The following IREB2 variants were observed in gnomAD, a reference collection of about 807,000 sequenced individuals.
IREB2 encodes the protein iron responsive element binding protein 2.
IREB2 carries 39 observed loss-of-function variants against 118.8 expected under a neutral mutation model. The ratio of observed to expected loss-of-function variants is 0.33; its 90% confidence interval spans 0.25 to 0.43. The LOEUF (loss-of-function observed/expected upper bound fraction) is 0.43. Ranked by LOEUF, IREB2 falls within the 20% of genes least tolerant of loss-of-function variation. The probability of loss-of-function intolerance (pLI) is 1.00; values close to 1 mark genes in which losing one functional copy is unlikely to be tolerated. For synonymous variants in IREB2, 372 were observed against 392.2 expected (o/e 0.95, Z 0.61); for missense variants, 900 against 1,147.3 (o/e 0.78, Z 3.11).
intron 8 of IREB2, chr15:78,475,070 A>G (rs2051445527): frequency 6.6e-6 from 1 of 150,958 alleles, no homozygotes; most frequent in East Asian, 1.9e-4. Context: ...TCAAAAAAAA[A>G]AAAAAAAAAA....
chr15:78,487,789 C>A lies in IREB2; in HGVS notation c.1766C>A (p.Ser589Ter). Residue 589 changes from serine to a stop codon, truncating the protein, a stop_gained, in exon 14 of 22, where the codon TCA (serine) becomes TAA (stop). Transcript: ENST00000258886. LOFTEE classifies it high-confidence loss of function. Reference sequence around the variant, plus strand: ...TGTGTGGGAAATACAGCACCCTTATCAGACGCAGTTTTAAATGCAGTAAAA... The same window carrying A: ...TGTGTGGGAAATACAGCACCCTTATAAGACGCAGTTTTAAATGCAGTAAAA... ...SICVGNTAPL[S>*]DAVLNAVKQG... 1 of 1,606,614 alleles carries A rather than the reference C, an allele frequency of 6.2e-7. No individual in the cohort carries two copies. The highest frequency in any genetic ancestry group is 8.5e-7 in the Non-Finnish European group (1 of 1,173,546).
intron 10 of IREB2, 85 bp downstream of exon 10, chr15:78,478,482 T>G (rs976476136): frequency 6.2e-6 from 5 of 811,550 alleles, no homozygotes; most frequent in Non-Finnish European, 1.0e-5. Flanking sequence ...GTGGGTTGAT[T>G]GTTTGAGTTC....
chr15:78,451,353 T>C (rs1422887944), intron 2 of IREB2, among the ~76,000 whole-genome samples: 1 of 141,140 alleles, frequency 7.1e-6, no homozygotes, highest in Non-Finnish European at 1.6e-5. Context: ...AACTGTTCTT[T>C]AAAAAAAAAA....
intron 14 of IREB2, 66 bp downstream of exon 14, chr15:78,487,883 A>G (rs936055741): frequency 4.0e-6 from 4 of 998,816 alleles, no homozygotes; most frequent in Non-Finnish European, 6.2e-6. Flanking sequence ...ACTAAATTAT[A>G]GAAAATATAT....
intron 10 of IREB2, among the ~76,000 whole-genome samples, chr15:78,481,152 A>G (rs965900188): frequency 2.6e-5 from 4 of 152,130 alleles, no homozygotes; most frequent in Non-Finnish European, 4.4e-5. Context: ...CCCTAGAGAA[A>G]GGGGATGGAT....
chr15:78,497,358 T>C (rs778638772), intron 21 of IREB2, 47 bp downstream of exon 21: 3 of 1,280,150 alleles, frequency 2.3e-6, no homozygotes, highest in Non-Finnish European at 3.4e-6. Context: ...CAAATGTTTA[T>C]GAATTATTGA....
At position 78,493,851 on chromosome 15, in the gene IREB2, A is replaced by G. The variant is rs147511789; in HGVS notation, c.2325-58A>G. ...ATTTTTCAATAGGTCTTACAGCTCA[A>G]TAGTATGTGATTATTTTCCACATGT... On this transcript the variant is annotated intron_variant, in intron 18 of 21. Transcript: ENST00000258886. 4.4e-3 allele frequency: 6,811 copies of G among 1,535,772 alleles called. 40 individuals are homozygous for G. Among genetic ancestry groups the G allele is most frequent in the East Asian group, 0.024 (1,052 of 44,332 alleles).
chr15:78,471,133 T>C (rs1267569842), intron 6 of IREB2, among the ~76,000 whole-genome samples: 1 of 152,066 alleles, frequency 6.6e-6, no homozygotes, highest in Non-Finnish European at 1.5e-5. Context: ...TGCCTCAGCC[T>C]CCTGAGTAGC....
chr15:78,497,529 G>A (rs886143893), intron 21 of IREB2, among the ~76,000 whole-genome samples: 12 of 152,090 alleles, frequency 7.9e-5, no homozygotes, highest in African/African-American at 2.7e-4. Context: ...CAGAAAAAAA[G>A]AACACATGAA....
chr15:78,481,310 C>T (rs1204823612), intron 10 of IREB2, among the ~76,000 whole-genome samples: 2 of 152,074 alleles, frequency 1.3e-5, no homozygotes, highest in East Asian at 1.9e-4. Context: ...TGAAGTGATT[C>T]TCCTGCCTCA....
chr15:78,481,515 C>A (rs970245478), intron 10 of IREB2, among the ~76,000 whole-genome samples: 1 of 130,040 alleles, frequency 7.7e-6, no homozygotes, highest in East Asian at 2.3e-4. Context: ...GCCACCACAC[C>A]TCGCTAATTT....
chr15:78,451,410 C>T (rs2051023421), intron 2 of IREB2, among the ~76,000 whole-genome samples: 1 of 151,424 alleles, frequency 6.6e-6, no homozygotes, highest in South Asian at 2.1e-4. Context: ...AGTTTTTCTG[C>T]AAGCAACTGA....
At chr15:78,490,862 A>G (rs2051739429) in intron 18 of IREB2, 101 bp downstream of exon 18, 6 of 1,083,548 alleles carry the variant, frequency 5.5e-6, no homozygotes, top group African/African-American at 4.7e-5. Flanking sequence ...AATACATGCT[A>G]TCGTAGGTAA....
intron 2 of IREB2, among the ~76,000 whole-genome samples, chr15:78,443,808 G>A (rs2050883628): frequency 6.6e-6 from 1 of 151,802 alleles, no homozygotes; most frequent in Non-Finnish European, 1.5e-5. Flanking sequence ...CACCACATCC[G>A]GCTGATTTTT....
intron 2 of IREB2, 53 bp downstream of exon 2, chr15:78,439,934 G>C: frequency 2.7e-6 from 3 of 1,104,542 alleles, no homozygotes; most frequent in Non-Finnish European, 4.1e-6. Context: ...TAATGAAAAT[G>C]CATTTGTCAA....
At chr15:78,497,879 T>G (rs2051864194) in intron 21 of IREB2, among the ~76,000 whole-genome samples, 154 bp from the exon 22 acceptor site, 1 of 152,152 alleles carries the variant, frequency 6.6e-6, no homozygotes, top group Admixed American at 6.6e-5. Flanking sequence ...CAGCAAAGTT[T>G]CAGGCAATCA....
chr15:78,493,977 C>T lies in IREB2; in HGVS notation c.2393C>T (p.Thr798Ile), dbSNP rs147288797. 6.2e-4 allele frequency: 1,008 copies of T among 1,614,050 alleles called. No individual in the cohort carries two copies. Among genetic ancestry groups the T allele is most frequent in the Non-Finnish European group, 8.0e-4 (942 of 1,179,908 alleles). ...AATGATGCTGTAATGACAAGAGGCA[C>T]TTTTGCAAATATCAAGCTTTTTAAT... ...RGNDAVMTRG[T>I]FANIKLFNKF... The change falls in exon 19 of 22, where the codon ACT (threonine) becomes ATT (isoleucine). Residue 798 changes from threonine to isoleucine, a missense_variant. By Grantham distance (89) the Thr-to-Ile change is moderately conservative. Coordinates refer to ENST00000258886, the MANE Select transcript of IREB2 (RefSeq NM_004136.4).
intron 2 of IREB2, among the ~76,000 whole-genome samples, chr15:78,448,886 G>C (rs1446612472): frequency 2.0e-5 from 3 of 152,182 alleles, no homozygotes; most frequent in Non-Finnish European, 4.4e-5. Context: ...GTTACATGTA[G>C]TTATCTAAAG....
intron 18 of IREB2, among the ~76,000 whole-genome samples, chr15:78,491,066 G>A (rs1358776924): frequency 6.6e-6 from 1 of 152,108 alleles, no homozygotes; most frequent in African/African-American, 2.4e-5. Context: ...TTATTGAAAA[G>A]TCAGCTTGGT....
Sources: allele counts gnomAD v4.1 joint callset (sites outside exome capture counted in the v4.1 genomes callset), GRCh38; gene constraint gnomAD v4.1.1; transcripts MANE v1.5; gene names NCBI Gene and HGNC (gene_info 2026-07-23, HGNC 2026-07-21).